Variants in ARR3 observed in about 807,000 individuals in gnomAD.
ARR3 encodes arrestin 3, also known as arrestin-C.
ARR3 carries 14 observed loss-of-function variants against 35.4 expected under a neutral mutation model. The observed-to-expected ratio is 0.40, with a 90% CI of 0.26 to 0.62. ARR3 has a LOEUF of 0.62. ARR3 is among the 20% of genes least tolerant of loss of function. The pLI, the probability that ARR3 is intolerant of heterozygous loss-of-function variation, is 0.46. For synonymous variants in ARR3, 97 were observed against 119.1 expected (o/e 0.81, Z 1.21); for missense variants, 259 against 303.8 (o/e 0.85, Z 1.10).
intron 2 of ARR3, 108 bp downstream of exon 2, chrX:70,269,501 T>C: frequency 4.1e-6 from 4 of 983,289 alleles, no homozygotes; most frequent in Non-Finnish European, 5.7e-6. Flanking sequence ...CTTGTGTCCT[T>C]GGATTCTACC....
chrX:70,281,003 G>GA (rs1555941779), intron 15 of ARR3, 96 bp from the exon 16 acceptor site: 3 of 384,011 alleles, frequency 7.8e-6, no homozygotes, highest in South Asian at 1.0e-4. Flanking sequence ...TTGGGAAGTT[G>GA]GGGGGGGGGG....
intron 11 of ARR3, 120 bp from the exon 12 acceptor site, chrX:70,278,384 T>C: frequency 1.1e-6 from 1 of 913,768 alleles, no homozygotes; most frequent in Non-Finnish European, 1.5e-6. Flanking sequence ...GTTAAACATG[T>C]TACCTCTCTT....
intron 5 of ARR3, 86 bp from the exon 6 acceptor site, chrX:70,275,996 T>A (rs1174547122): frequency 9.6e-7 from 1 of 1,040,276 alleles, no homozygotes; most frequent in Non-Finnish European, 1.3e-6. Context: ...TCATATTACA[T>A]CACCTCTCTG....
chrX:70,273,500 G>C (rs1307702799), intron 5 of ARR3, among the ~76,000 whole-genome samples: 1 of 111,833 alleles, frequency 8.9e-6, no homozygotes, highest in Non-Finnish European at 1.9e-5. Flanking sequence ...GGGATTACAG[G>C]CGTGAGCCAC....
intron 8 of ARR3, 133 bp from the exon 9 acceptor site, chrX:70,277,261 C>A: frequency 2.3e-6 from 2 of 865,662 alleles, no homozygotes; most frequent in South Asian, 2.7e-5. Context: ...CATTAAGGGA[C>A]TAGAGGAGTT....
rs1262700110 is a variant in ARR3 at position 70,276,625 on chromosome X, G to A, written c.406-44G>A. 5 of 1,188,353 alleles carry A rather than the reference G, an allele frequency of 4.2e-6. No individual in the cohort carries two copies. The South Asian group carries it at 5.4e-5, about 13-fold the overall frequency. On this transcript the variant is annotated intron_variant, in intron 7 of 16. Transcript: ENST00000307959. ...TCTTATAGGCCCATGAGGAAGGGAG[G>A]ACAGCACTGGAAATGAGCTCTCTTT... is the stretch of plus-strand genomic sequence containing the variant.
rs1416393833 is a variant in ARR3, at chrX:70,276,285, C to T, written c.345+4C>T. 1 of 1,209,934 alleles carries T rather than the reference C, an allele frequency of 8.3e-7. No homozygotes were observed. Among genetic ancestry groups the T allele is most frequent in the Non-Finnish European group, 1.1e-6 (1 of 894,136 alleles). On this transcript the variant is annotated splice_donor_region_variant and intron_variant, in intron 6 of 16. Coordinates refer to ENST00000307959, the MANE Select transcript of ARR3 (RefSeq NM_004312.3). ...TGCCTACCCCTTTACCCTGCAGGTA[C>T]TGACCCCAAGCCCTGGGCAGGCAAG...
chrX:70,274,004 CCT>C (rs1319553501), intron 5 of ARR3, among the ~76,000 whole-genome samples: 3 of 109,746 alleles, frequency 2.7e-5, no homozygotes, highest in African/African-American at 1.0e-4. Flanking sequence ...TAACCCTTCT[CCT>C]CTTTCTCTCC....
chrX:70,281,005 G>A, intron 15 of ARR3, 94 bp from the exon 16 acceptor site: 1 of 962,932 alleles, frequency 1.0e-6, no homozygotes, highest in Non-Finnish European at 1.4e-6. Context: ...GGGAAGTTGG[G>A]GGGGGGGGAA....
chrX:70,279,550 G>C (rs2085669851), intron 12 of ARR3, among the ~76,000 whole-genome samples: 1 of 112,652 alleles, frequency 8.9e-6, no homozygotes, highest in Non-Finnish European at 1.9e-5. Flanking sequence ...GCAATGTGGA[G>C]AATATAAAGA....
In ARR3 at chrX:70,276,212, G is replaced by A. The variant is rs1176165427; in HGVS notation, c.276G>A (p.Gly92=). Residue 92 remains glycine (G), a synonymous_variant, in exon 6 of 17, where the codon GGG becomes GGA. Transcript: ENST00000307959. ...CAGCTGAATCCAGCAGCCCTCAGGGGCCCCTCACAGTCCTACAGGAGCGAC... is the reference window on the plus strand; with the variant it reads ...CAGCTGAATCCAGCAGCCCTCAGGGACCCCTCACAGTCCTACAGGAGCGAC... ...VVPAESSSPQ[G]PLTVLQERLL... 9.1e-6 allele frequency: 11 copies of A among 1,210,041 alleles called. No homozygotes were observed. The highest frequency in any genetic ancestry group is 1.2e-5 in the Non-Finnish European group (11 of 895,247).
At chrX:70,269,740 G>A (rs370520229) in intron 3 of ARR3, 48 bp downstream of exon 3, 54 of 1,194,900 alleles carry the variant, frequency 4.5e-5, no homozygotes, top group Non-Finnish European at 6.0e-5. Context: ...AAAAGGGATA[G>A]GTGGGTACAT....
intron 12 of ARR3, among the ~76,000 whole-genome samples, chrX:70,279,498 GT>G (rs1432484621): frequency 3.5e-5 from 4 of 112,687 alleles, no homozygotes; most frequent in Non-Finnish European, 5.6e-5. Flanking sequence ...CAATCAGTGG[GT>G]TTTTTACTGA....
chrX:70,277,067 T>G (rs942976033), intron 8 of ARR3, among the ~76,000 whole-genome samples: 9 of 113,082 alleles, frequency 8.0e-5, no homozygotes, highest in Non-Finnish European at 1.7e-4. Flanking sequence ...ACTTTACTTA[T>G]GGACACTGAA....
Position 70,277,463 on chromosome X carries a change from C to G in ARR3, c.543C>G (p.Ala181=). 8.3e-7 allele frequency: 1 copy of G among 1,211,582 alleles called. No individual in the cohort carries two copies. ...APPEAGPGPS[A]QTIRRFLLSA... ...CGGAGGCAGGCCCTGGCCCCTCAGC[C>G]CAGACCATCCGCCGCTTCCTTCTGT... The change falls in exon 9 of 17, where the codon GCC becomes GCG. Residue 181 remains alanine, a synonymous_variant. Coordinates refer to ENST00000307959, the MANE Select transcript of ARR3 (RefSeq NM_004312.3).
chrX:70,277,129 T>C (rs970512405), intron 8 of ARR3, among the ~76,000 whole-genome samples: 2 of 113,166 alleles, frequency 1.8e-5, no homozygotes, highest in Admixed American at 1.9e-4. Flanking sequence ...TGTTCTTTGA[T>C]TTATTTCAAC....
At position 70,280,597 on chromosome X, in the gene ARR3, G is replaced by C. The variant is rs371177291; in HGVS notation, c.1013+15G>C. On this transcript the variant is annotated intron_variant, in intron 14 of 16. Coordinates refer to ENST00000307959, the MANE Select transcript of ARR3 (RefSeq NM_004312.3). ...CTGACAGCCAGGTGAGAGACTGTGG[G>C]GTGGGGGAACTTGGGCAAGAAGAGG... 1 of 1,199,609 alleles carries C rather than the reference G, an allele frequency of 8.3e-7. No individual in the cohort carries two copies. Among genetic ancestry groups the C allele is most frequent in the East Asian group, 3.0e-5 (1 of 33,653 alleles).
rs1376733209 is a variant in ARR3, at chrX:70,276,177, C to T, written c.241C>T (p.Gln81Ter). ...AAAAGATCTGTATGTGCAGACCCTG[C>T]AAGTGGTCCCAGCTGAATCCAGCAG... The part of the protein sequence containing the change: ...FRKDLYVQTL[Q>*]VVPAESSSPQ... The change falls in exon 6 of 17, where the codon CAA becomes TAA. Residue 81 changes from glutamine to a stop codon, truncating the protein, a stop_gained. Transcript: ENST00000307959. LOFTEE classifies it high-confidence loss of function. The T allele has an allele frequency of 8.3e-7, 1 of 1,211,604 alleles. No homozygotes were observed. Among genetic ancestry groups the T allele is most frequent in the Admixed American group, 2.2e-5 (1 of 46,066 alleles).
intron 11 of ARR3, 33 bp downstream of exon 11, chrX:70,278,171 C>A: frequency 8.7e-7 from 1 of 1,149,003 alleles, no homozygotes; most frequent in Non-Finnish European, 1.2e-6. Context: ...ACCAGAGAGC[C>A]AAGGGGTGGG....
Sources: allele counts gnomAD v4.1 joint callset (sites outside exome capture counted in the v4.1 genomes callset), GRCh38; gene constraint gnomAD v4.1.1; transcripts MANE v1.5; gene names NCBI Gene and HGNC (gene_info 2026-07-23, HGNC 2026-07-21).